The following ASAP2 variants were observed in gnomAD, a reference collection of about 807,000 sequenced individuals.
ASAP2 encodes arf-GAP with SH3 domain, ANK repeat and PH domain-containing protein 2.
A neutral mutation model predicts 131.4 loss-of-function variants in ASAP2; 45 were observed. The ratio of observed to expected loss-of-function variants is 0.34; its 90% CI spans 0.27 to 0.44. ASAP2 has a LOEUF of 0.44. ASAP2 is among the 20% of genes least tolerant of loss of function. The pLI is 1.00. For synonymous variants in ASAP2, 510 were observed against 503.0 expected (o/e 1.01, Z -0.19); for missense variants, 1,011 against 1,297.0 (o/e 0.78, Z 3.39).
chr2:9,264,222 T>A (rs1281554000), intron 1 of ASAP2, among the ~76,000 whole-genome samples: 24 of 144,942 alleles, frequency 1.7e-4, no homozygotes, highest in Admixed American at 1.6e-3. Flanking sequence ...ATAATAATAA[T>A]AAACACAAGT....
intron 1 of ASAP2, among the ~76,000 whole-genome samples, chr2:9,264,194 A>AT (rs1375799151): frequency 7.5e-5 from 10 of 132,462 alleles, no homozygotes; most frequent in Admixed American, 1.5e-4. Flanking sequence ...CTGTCTCAAA[A>AT]AAATAATAAT....
intron 4 of ASAP2, among the ~76,000 whole-genome samples, chr2:9,319,116 G>A (rs1045333147): frequency 1.3e-5 from 2 of 152,142 alleles, no homozygotes; most frequent in East Asian, 1.9e-4. Flanking sequence ...GGCAGCAGAC[G>A]GGGCTGGAGG....
At chr2:9,373,252 G>A (rs990778690) in intron 16 of ASAP2, among the ~76,000 whole-genome samples, 1 of 142,880 alleles carries the variant, frequency 7.0e-6, no homozygotes, top group African/African-American at 3.0e-5. Flanking sequence ...AGGTGCCCCT[G>A]GAAGTCCTTC....
intron 3 of ASAP2, among the ~76,000 whole-genome samples, chr2:9,315,744 C>T (rs920942792): frequency 1.3e-5 from 2 of 152,150 alleles, no homozygotes; most frequent in African/African-American, 4.8e-5. Flanking sequence ...TTGTTCCTTC[C>T]AGTCGTTCCT....
chr2:9,314,645 GA>G (rs1215197156), intron 3 of ASAP2, among the ~76,000 whole-genome samples: 1 of 152,058 alleles, frequency 6.6e-6, no homozygotes, highest in Admixed American at 6.6e-5. Context: ...AAAACATTTA[GA>G]AAAGGGGCTG....
At chr2:9,307,744 G>A (rs1020815772) in intron 3 of ASAP2, among the ~76,000 whole-genome samples, 1 of 152,218 alleles carries the variant, frequency 6.6e-6, no homozygotes, top group South Asian at 2.1e-4. Flanking sequence ...TCCTTGTTCT[G>A]GTGTGAAAGT....
In ASAP2 at chr2:9,303,926, G is replaced by A. The variant is rs555043084; in HGVS notation, c.345+6481G>A. ...CGTGGGAGGGAGAACTCACAGAGAC[G>A]AGGACTGGGCACCTGCTGGGTGCTA... On this transcript the variant is annotated intron_variant, in intron 3 of 27. Transcript: ENST00000281419. Among the ~76,000 whole-genome samples the A allele has an allele frequency of 8.5e-5, 13 of 152,352 alleles. No homozygotes were observed. The South Asian group carries it at 2.3e-3, about 27-fold the overall frequency.
intron 1 of ASAP2, among the ~76,000 whole-genome samples, chr2:9,269,573 G>A (rs926722968): frequency 5.3e-5 from 8 of 152,168 alleles, no homozygotes; most frequent in African/African-American, 7.2e-5. Flanking sequence ...CTGAGCCCAC[G>A]GGGGAACCAT....
At chr2:9,271,695 T>C (rs1572316401) in intron 1 of ASAP2, 5 of 510,582 alleles carry the variant, frequency 9.8e-6, no homozygotes, top group Non-Finnish European at 1.6e-5. Flanking sequence ...GTACGGAAAG[T>C]AGGGAAGCGA....
In ASAP2 at chr2:9,379,006, A is replaced by AG; in HGVS notation, c.1895_1896insG (p.Asp632GlufsTer39). 1 of 1,578,430 alleles carries AG rather than the reference A, an allele frequency of 6.3e-7. No individual in the cohort carries two copies. The highest frequency in any genetic ancestry group is 8.6e-7 in the Non-Finnish European group (1 of 1,161,708). On this transcript the variant is annotated frameshift_variant, in exon 19 of 28. Coordinates refer to ENST00000281419, the MANE Select transcript of ASAP2 (RefSeq NM_003887.3). LOFTEE classifies it high-confidence loss of function. ...GCCCTGCACTACTGCTGCCTGACCG[A>AG]CAATGCCGAGTGCCTCAAGTTGCTC...
At chr2:9,328,407 C>T (rs912214345) in intron 7 of ASAP2, among the ~76,000 whole-genome samples, 1 of 152,024 alleles carries the variant, frequency 6.6e-6, no homozygotes, top group African/African-American at 2.4e-5. Flanking sequence ...TAGTAATTGC[C>T]AGATATATTT....
intron 1 of ASAP2, among the ~76,000 whole-genome samples, chr2:9,218,213 C>T (rs1222124870): frequency 6.6e-6 from 1 of 152,166 alleles, no homozygotes; most frequent in Non-Finnish European, 1.5e-5. Context: ...GTAGGTGTTC[C>T]TGTGAGTTTC....
At chr2:9,369,370 C>G (rs1002866064) in intron 16 of ASAP2, among the ~76,000 whole-genome samples, 29 of 152,320 alleles carry the variant, frequency 1.9e-4, no homozygotes, top group African/African-American at 7.0e-4. Flanking sequence ...AGGGAATGTT[C>G]TTGCCCATCT....
chr2:9,297,535 G>A (rs982331601), intron 3 of ASAP2, 90 bp downstream of exon 3: 1 of 1,483,010 alleles, frequency 6.7e-7, no homozygotes, highest in African/African-American at 1.4e-5. Context: ...GATAAACTAG[G>A]AATGCATTTC....
Position 9,318,504 on chromosome 2 carries a change from C to A in ASAP2, c.346-20C>A. ...CACAAGGAAGCTGAATAAGAATCTC[C>A]TTTTGTTTTTGTTTTTTAGATTCAG... On this transcript the variant is annotated intron_variant, in intron 3 of 27. Coordinates refer to ENST00000281419, the MANE Select transcript of ASAP2 (RefSeq NM_003887.3). The A allele has an allele frequency of 6.3e-7, 1 of 1,582,570 alleles. No homozygotes were observed. Among genetic ancestry groups the A allele is most frequent in the South Asian group, 1.1e-5 (1 of 90,236 alleles).
At chr2:9,355,178 T>G (rs1672615859) in intron 12 of ASAP2, among the ~76,000 whole-genome samples, 1 of 152,210 alleles carries the variant, frequency 6.6e-6, no homozygotes, top group Admixed American at 6.5e-5. Flanking sequence ...CTTACTCAGA[T>G]TTTACCAGTT....
intron 4 of ASAP2, among the ~76,000 whole-genome samples, chr2:9,318,919 G>A (rs867424116): frequency 2.0e-5 from 3 of 152,206 alleles, no homozygotes; most frequent in East Asian, 1.9e-4. Context: ...GGGAGGAGTC[G>A]GGCTTTCTAG....
intron 21 of ASAP2, among the ~76,000 whole-genome samples, chr2:9,387,079 G>GCA (rs1014289896): frequency 6.9e-6 from 1 of 145,312 alleles, no homozygotes; most frequent in Non-Finnish European, 1.5e-5. Context: ...GGTGGTGGGT[G>GCA]GGGGGGCGCC....
At chr2:9,275,104 A>G (rs1666674451) in intron 1 of ASAP2, among the ~76,000 whole-genome samples, 1 of 135,804 alleles carries the variant, frequency 7.4e-6, no homozygotes. Flanking sequence ...TTTTTAAGAG[A>G]CAGGGTCTGT....
Sources: gnomAD v4.1 joint callset for allele counts (sites outside exome capture counted in the v4.1 genomes callset) on GRCh38, gnomAD v4.1.1 for gene constraint, MANE v1.5 for transcripts, NCBI Gene and HGNC (gene_info 2026-07-23, HGNC 2026-07-21) for gene names.